The following ROBO1 variants were observed in gnomAD, a reference collection of about 807,000 sequenced individuals.
ROBO1 encodes the protein roundabout homolog 1.
ROBO1 carries 149 observed loss-of-function variants against 195.9 expected under a neutral mutation model. The observed-to-expected ratio is 0.76, with a 90% confidence interval of 0.67 to 0.87. The LOEUF is 0.87. Ranked by LOEUF, ROBO1 falls within the 40% of genes least tolerant of loss-of-function variation. The pLI, the probability that ROBO1 is intolerant of heterozygous loss-of-function variation, is 0.00. For missense variants in ROBO1, 1,933 were observed against 2,068.3 expected, an observed-to-expected ratio of 0.93 and a Z score of 1.27; for synonymous variants, 816 against 733.2, an observed-to-expected ratio of 1.11 and a Z score of -1.82.
chr3:79,251,776 A>G (rs777529696), intron 2 of ROBO1, among the ~76,000 whole-genome samples: 4 of 151,616 alleles, frequency 2.6e-5, no homozygotes, highest in Non-Finnish European at 4.4e-5. Context: ...ACAAAAAACA[A>G]ACAAACAAAC....
At chr3:79,601,189 A>T (rs1456850818) in intron 1 of ROBO1, among the ~76,000 whole-genome samples, 17 of 151,994 alleles carry the variant, frequency 1.1e-4, no homozygotes, top group African/African-American at 3.9e-4. Flanking sequence ...AGGACTGGAG[A>T]AGGAAATTCT....
intron 4 of ROBO1, among the ~76,000 whole-genome samples, chr3:78,848,283 C>T (rs577931143): frequency 2.0e-5 from 3 of 152,066 alleles, no homozygotes; most frequent in Non-Finnish European, 2.9e-5. Flanking sequence ...ATTAAATTGG[C>T]GCAACAGTAA....
At chr3:79,306,023 T>C (rs1037403931) in intron 2 of ROBO1, among the ~76,000 whole-genome samples, 18 of 152,290 alleles carry the variant, frequency 1.2e-4, no homozygotes, top group African/African-American at 4.3e-4. Context: ...GATATGCAGA[T>C]GCTTAAAATT....
At chr3:79,117,691 T>C (rs531966992) in intron 3 of ROBO1, among the ~76,000 whole-genome samples, 2 of 152,230 alleles carry the variant, frequency 1.3e-5, no homozygotes, top group Admixed American at 6.5e-5. Context: ...CTAAATAGTT[T>C]CTTTCAAGCA....
intron 2 of ROBO1, among the ~76,000 whole-genome samples, chr3:79,487,307 T>A (rs1406646272): frequency 7.4e-6 from 1 of 135,844 alleles, no homozygotes; most frequent in Non-Finnish European, 1.6e-5. Context: ...GTAAAGCATG[T>A]GCAACATTTT....
chr3:79,322,725 T>C (rs2034037654), intron 2 of ROBO1, among the ~76,000 whole-genome samples: 1 of 152,228 alleles, frequency 6.6e-6, no homozygotes, highest in Non-Finnish European at 1.5e-5. Flanking sequence ...TATATTTTTT[T>C]CTATTCACAT....
chr3:78,694,535 A>G (rs138446024), intron 8 of ROBO1, among the ~76,000 whole-genome samples: 1 of 152,188 alleles, frequency 6.6e-6, no homozygotes, highest in Non-Finnish European at 1.5e-5. Context: ...TTTATTTTTC[A>G]TTACAGAGAA....
intron 1 of ROBO1, among the ~76,000 whole-genome samples, chr3:79,763,685 G>C (rs1336965772): frequency 6.6e-6 from 1 of 152,136 alleles, no homozygotes; most frequent in Non-Finnish European, 1.5e-5. Context: ...TTTTCCCCAA[G>C]TGCTCTGACC....
At chr3:79,412,538 C>T in intron 2 of ROBO1, among the ~76,000 whole-genome samples, 1 of 151,948 alleles carries the variant, frequency 6.6e-6, no homozygotes. Context: ...GAAAAAAATC[C>T]CACTTGTTCA....
At chr3:78,692,689 T>G (rs2081202091) in intron 8 of ROBO1, among the ~76,000 whole-genome samples, 1 of 152,204 alleles carries the variant, frequency 6.6e-6, no homozygotes, top group African/African-American at 2.4e-5. Context: ...TCTAGTGACC[T>G]TATGAAATGA....
chr3:79,714,721 C>T (rs538493236), intron 1 of ROBO1, among the ~76,000 whole-genome samples: 1 of 151,672 alleles, frequency 6.6e-6, no homozygotes, highest in East Asian at 1.9e-4. Flanking sequence ...AAGCTGGAGA[C>T]CATCATTCTC....
At chr3:79,545,465 A>G (rs115945785) in intron 2 of ROBO1, among the ~76,000 whole-genome samples, 1,686 of 152,282 alleles carry the variant, frequency 0.011, 31 homozygotes, top group African/African-American at 0.038. Flanking sequence ...AAGGTGACAC[A>G]GTGGCTTGAA....
chr3:78,688,644 G>A lies in ROBO1; in HGVS notation c.1170+4C>T. 1.9e-6 allele frequency: 3 copies of A among 1,579,948 alleles called. No individual in the cohort carries two copies. The highest frequency in any genetic ancestry group is 2.6e-6 in the Non-Finnish European group (3 of 1,165,670). On this transcript the variant is annotated splice_donor_region_variant and intron_variant, in intron 9 of 30. Transcript: ENST00000464233. ...AAAAAAAAAAAGTTAGAAAAAGGTG[G>A]TACCTGACTCCCTTCTCTCCTCCAG...
chr3:79,603,251 C>A lies in ROBO1; in HGVS notation c.-50-13290G>T, dbSNP rs185627232. On this transcript the variant is annotated intron_variant, in intron 1 of 30. Coordinates refer to ENST00000464233, the MANE Select transcript of ROBO1 (RefSeq NM_002941.4). ...TGAGGTCTACTATCAAAACAACCCT[C>A]CTCATCAGGGAGACCAGGCAGTTTC... Among the ~76,000 whole-genome samples, 4 of 145,314 alleles carry A rather than the reference C, an allele frequency of 2.8e-5. No homozygotes were observed. The East Asian group carries it at 7.8e-4, about 28-fold the overall frequency.
intron 3 of ROBO1, among the ~76,000 whole-genome samples, chr3:78,946,194 A>G (rs2040433187): frequency 6.6e-6 from 1 of 152,164 alleles, no homozygotes; most frequent in African/African-American, 2.4e-5. Context: ...ACTCCTCGAG[A>G]AGGGCAATTC....
chr3:79,712,543 C>G lies in ROBO1; in HGVS notation c.-51+55209G>C, dbSNP rs1204047876. Among the ~76,000 whole-genome samples, 5 of 152,104 alleles carry G rather than the reference C, an allele frequency of 3.3e-5. No homozygotes were observed. The East Asian group carries it at 9.6e-4, about 29-fold the overall frequency. On this transcript the variant is annotated intron_variant, in intron 1 of 30. Coordinates refer to ENST00000464233, the MANE Select transcript of ROBO1 (RefSeq NM_002941.4). ...ACTAAGGTTTAAGAAAAGAAGTTGT[C>G]TGCATAACATAAAAGTGCAAGGTGA... is the stretch of plus-strand genomic sequence containing the variant.
At chr3:78,691,816 A>G (rs922583773) in intron 8 of ROBO1, among the ~76,000 whole-genome samples, 1 of 152,152 alleles carries the variant, frequency 6.6e-6, no homozygotes, top group African/African-American at 2.4e-5. Context: ...TCAATCTGAA[A>G]TGTTAACATT....
intron 21 of ROBO1, among the ~76,000 whole-genome samples, chr3:78,644,466 A>C (rs1327139964): frequency 6.6e-6 from 1 of 152,056 alleles, no homozygotes; most frequent in Non-Finnish European, 1.5e-5. Context: ...TTGAGCATTG[A>C]CTCTGAAATC....
intron 4 of ROBO1, among the ~76,000 whole-genome samples, chr3:78,896,748 G>A (rs893221415): frequency 2.0e-5 from 3 of 149,480 alleles, no homozygotes; most frequent in Admixed American, 6.7e-5. Flanking sequence ...ATTGATAAAT[G>A]TGATAATTTC....
Sources: allele counts gnomAD v4.1 joint callset (sites outside exome capture counted in the v4.1 genomes callset), GRCh38; gene constraint gnomAD v4.1.1; transcripts MANE v1.5; gene names NCBI Gene and HGNC (gene_info 2026-07-23, HGNC 2026-07-21).